PROS1: variants seen among roughly 807,000 people sequenced by gnomAD.
PROS1 encodes protein S, also known as vitamin K-dependent protein S.
In PROS1, 29 loss-of-function variants were observed where a neutral mutation model predicts 75.9. The ratio of observed to expected loss-of-function variants is 0.38; its 90% CI spans 0.28 to 0.52. The LOEUF is 0.52. Among genes scored for constraint, PROS1 ranks in the 20% least tolerant of loss-of-function variants. The pLI, the probability that PROS1 is intolerant of heterozygous loss-of-function variation, is 0.83. For missense variants in PROS1, 680 were observed against 810.3 expected (o/e 0.84, Z 1.95); for synonymous variants, 245 against 280.6 (o/e 0.87, Z 1.27).
At chr3:93,896,543 C>T (rs1213829014) in intron 9 of PROS1, 33 bp downstream of exon 9, 8 of 1,501,746 alleles carry the variant, frequency 5.3e-6, no homozygotes, top group Non-Finnish European at 7.4e-6. Flanking sequence ...TCTGCTTAAC[C>T]TCTAGAAATT....
At chr3:93,889,889 C>T (rs111937130) in intron 10 of PROS1, among the ~76,000 whole-genome samples, 60 of 152,106 alleles carry the variant, frequency 3.9e-4, no homozygotes, top group African/African-American at 1.4e-3. Context: ...AGAATAACAG[C>T]GATTTTAGGG....
At chr3:93,893,794 G>C (rs1463721893) in intron 9 of PROS1, among the ~76,000 whole-genome samples, 1 of 152,136 alleles carries the variant, frequency 6.6e-6, no homozygotes, top group Admixed American at 6.5e-5. Flanking sequence ...ATAAGTCACT[G>C]TTGTAGAATA....
chr3:93,952,488 T>G (rs908763302), intron 1 of PROS1, among the ~76,000 whole-genome samples: 5 of 152,012 alleles, frequency 3.3e-5, no homozygotes, highest in African/African-American at 1.2e-4. Context: ...ACTGGGTACA[T>G]AACAAAATGA....
Position 93,973,699 on chromosome 3 carries a change from T to TAGG in PROS1, c.48_50dup (p.Leu17dup). 1 of 1,613,888 alleles carries TAGG rather than the reference T, an allele frequency of 6.2e-7. No homozygotes were observed. The highest frequency in any genetic ancestry group is 1.1e-5 in the South Asian group (1 of 91,046). Reference sequence around the variant, plus strand: ...AGTTTGCCTCTGAGACGGGAAGCACTAGGAGGAGACACGCCAGCAGCGCCC... The same window carrying TAGG: ...AGTTTGCCTCTGAGACGGGAAGCACTAGGAGGAGGAGACACGCCAGCAGCGCCC... On this transcript the variant is annotated inframe_insertion, in exon 1 of 15. Transcript: ENST00000394236.
chr3:93,952,769 A>G (rs1255660222), intron 1 of PROS1, among the ~76,000 whole-genome samples: 1 of 152,210 alleles, frequency 6.6e-6, no homozygotes, highest in Non-Finnish European at 1.5e-5. Flanking sequence ...AAAACCCTTC[A>G]AAAAATCAGT....
chr3:93,903,662 T>C (rs914370424), intron 6 of PROS1, among the ~76,000 whole-genome samples: 9 of 152,100 alleles, frequency 5.9e-5, no homozygotes, highest in African/African-American at 2.2e-4. Context: ...AAACCCTATC[T>C]ATCTTAAAAA....
chr3:93,934,449 T>C (rs1378614020), intron 1 of PROS1, among the ~76,000 whole-genome samples: 7 of 152,190 alleles, frequency 4.6e-5, no homozygotes, highest in Admixed American at 6.5e-5. Flanking sequence ...CTCTAGATTT[T>C]ATATTTTGTA....
At chr3:93,973,632 A>G in intron 1 of PROS1, 42 bp downstream of exon 1, 1 of 1,598,920 alleles carries the variant, frequency 6.3e-7, no homozygotes, top group South Asian at 1.1e-5. Flanking sequence ...AGTTCAGTCG[A>G]CAATGCTGGG....
intron 12 of PROS1, among the ~76,000 whole-genome samples, chr3:93,881,294 C>G (rs1708272272): frequency 6.6e-6 from 1 of 152,054 alleles, no homozygotes; most frequent in African/African-American, 2.4e-5. Flanking sequence ...TGCACTCCAG[C>G]CTGGATGACA....
chr3:93,928,533 C>CA (rs200106525), intron 1 of PROS1, among the ~76,000 whole-genome samples: 1,993 of 47,138 alleles, frequency 0.042, 31 homozygotes, highest in African/African-American at 0.092. Flanking sequence ...GACTCTGTCT[C>CA]AAAAAAAAAA....
intron 1 of PROS1, among the ~76,000 whole-genome samples, chr3:93,952,036 C>A (rs1408784987): frequency 2.0e-5 from 3 of 152,086 alleles, no homozygotes; most frequent in Non-Finnish European, 4.4e-5. Context: ...AGCTAACAAC[C>A]CTAAATATAT....
At chr3:93,928,715 G>C in intron 1 of PROS1, 1 of 1,277,954 alleles carries the variant, frequency 7.8e-7, no homozygotes, top group African/African-American at 1.5e-5. Context: ...ATATAGAATA[G>C]AAAAAATTGC....
intron 1 of PROS1, among the ~76,000 whole-genome samples, chr3:93,935,997 T>C (rs1226907492): frequency 2.1e-5 from 3 of 146,024 alleles, no homozygotes; most frequent in Non-Finnish European, 4.5e-5. Context: ...ATGAAAAAAC[T>C]ACTGTTTTTT....
At chr3:93,960,407 AC>A (rs1559952450) in intron 1 of PROS1, among the ~76,000 whole-genome samples, 2 of 151,118 alleles carry the variant, frequency 1.3e-5, no homozygotes, top group Admixed American at 6.6e-5. Context: ...CAATCTCCTG[AC>A]CCTGAGATCC....
chr3:93,943,504 A>T (rs1292313300), intron 1 of PROS1, among the ~76,000 whole-genome samples: 1 of 151,850 alleles, frequency 6.6e-6, no homozygotes, highest in Non-Finnish European at 1.5e-5. Flanking sequence ...TTACCACAAA[A>T]TCTTCCTTCA....
chr3:93,910,414 CA>C (rs1576189511), intron 4 of PROS1, among the ~76,000 whole-genome samples: 2 of 151,952 alleles, frequency 1.3e-5, no homozygotes, highest in African/African-American at 4.8e-5. Flanking sequence ...AAACATTAGG[CA>C]AAAAAATTCA....
chr3:93,949,506 G>T (rs1360048795), intron 1 of PROS1, among the ~76,000 whole-genome samples: 1 of 151,830 alleles, frequency 6.6e-6, no homozygotes, highest in African/African-American at 2.4e-5. Context: ...AACACAATCT[G>T]TACTAGTAAA....
chr3:93,901,291 C>T (rs910410477), intron 6 of PROS1, among the ~76,000 whole-genome samples: 5 of 152,212 alleles, frequency 3.3e-5, no homozygotes, highest in Non-Finnish European at 7.3e-5. Flanking sequence ...GAAGGCTCAT[C>T]TCTTCTATCT....
chr3:93,970,859 C>T (rs1054849871), intron 1 of PROS1, among the ~76,000 whole-genome samples: 1 of 152,062 alleles, frequency 6.6e-6, no homozygotes, highest in Non-Finnish European at 1.5e-5. Flanking sequence ...TATAAGCCAG[C>T]CATGGTGGTG....
Sources: gnomAD v4.1 joint callset for allele counts (sites outside exome capture counted in the v4.1 genomes callset) on GRCh38, gnomAD v4.1.1 for gene constraint, MANE v1.5 for transcripts, NCBI Gene and HGNC (gene_info 2026-07-23, HGNC 2026-07-21) for gene names.